The following CEP83 variants were observed in gnomAD, a reference collection of about 807,000 sequenced individuals.
CEP83 encodes the protein centrosomal protein 83, also known as centrosomal protein of 83 kDa.
Under a neutral mutation model 101.9 loss-of-function variants are expected in CEP83, and 70 were observed. The ratio of observed to expected loss-of-function variants is 0.69; its 90% confidence interval spans 0.57 to 0.84. CEP83 has a LOEUF of 0.84. CEP83 is among the 40% of genes least tolerant of loss of function. The pLI, the probability that CEP83 is intolerant of heterozygous loss-of-function variation, is 0.00. For missense variants in CEP83, 715 were observed against 787.2 expected, an observed-to-expected ratio of 0.91 and a Z score of 1.10; for synonymous variants, 264 against 267.9, an observed-to-expected ratio of 0.99 and a Z score of 0.14.
At position 94,431,748 on chromosome 12, in the gene CEP83, T is replaced by C. The variant is rs910257643; in HGVS notation, c.-102+3527A>G. Among the ~76,000 whole-genome samples, 52 of 152,084 alleles carry C rather than the reference T, an allele frequency of 3.4e-4. 2 individuals carry two copies. The highest frequency in any genetic ancestry group is 6.5e-5 in the Admixed American group (1 of 15,268). ...AAAACCACAGCAACATATCATCTTA[T>C]CCCAATTAGAATGGCTACTATAAAA... is the stretch of plus-strand genomic sequence containing the variant. On this transcript the variant is annotated intron_variant, in intron 2 of 16. Transcript: ENST00000397809.
At chr12:94,381,310 C>A (rs1347960822) in intron 6 of CEP83, among the ~76,000 whole-genome samples, 2 of 152,138 alleles carry the variant, frequency 1.3e-5, no homozygotes, top group African/African-American at 2.4e-5. Flanking sequence ...TCTAAATTTC[C>A]AAAGGGCTTT....
chr12:94,380,880 T>C (rs557728579), intron 6 of CEP83, among the ~76,000 whole-genome samples: 1 of 152,322 alleles, frequency 6.6e-6, no homozygotes, highest in African/African-American at 2.4e-5. Flanking sequence ...TTGGGAGGCA[T>C]CTGTGTGATA....
In CEP83 at chr12:94,420,177, T is replaced by C. The variant is rs150862052; in HGVS notation, c.-101-7586A>G. Among the ~76,000 whole-genome samples, 33 of 152,264 alleles carry C rather than the reference T, an allele frequency of 2.2e-4. 1 individual carries two copies. In the East Asian group the frequency reaches 6.4e-3, roughly 29 times the overall value. On this transcript the variant is annotated intron_variant, in intron 2 of 16. Transcript: ENST00000397809. ...TCTGGAGAGGAGAGGAAGCAAAGGT[T>C]GTAGTGTAAACTGGCATATTCACTT...
chr12:94,273,025 T>C, the CEP83 span, among the ~76,000 whole-genome samples: 1 of 152,026 alleles, frequency 6.6e-6, no homozygotes, highest in Non-Finnish European at 1.5e-5. Flanking sequence ...TAGTTATGAC[T>C]CCCACCGGCT....
chr12:94,343,619 A>G (rs978439948), intron 11 of CEP83, among the ~76,000 whole-genome samples: 39 of 149,824 alleles, frequency 2.6e-4, no homozygotes, highest in Non-Finnish European at 8.9e-5. Flanking sequence ...CCTCCCGAGT[A>G]GCTGGGACTA....
intron 2 of CEP83, among the ~76,000 whole-genome samples, chr12:94,434,328 T>A (rs1381825702): frequency 6.6e-6 from 1 of 152,176 alleles, no homozygotes. Context: ...CAAAAAAATG[T>A]AAAAATTGTA....
chr12:94,297,416 C>T, the CEP83 span: 16 of 1,609,822 alleles, frequency 9.9e-6, no homozygotes, highest in Admixed American at 3.3e-5. Context: ...AAGCTGCTGT[C>T]GACCAAGGTA....
At chr12:94,309,816 G>A in intron 16 of CEP83, 102 bp downstream of exon 16, 1 of 659,616 alleles carries the variant, frequency 1.5e-6, no homozygotes, top group Non-Finnish European at 2.4e-6. Flanking sequence ...TGAATTTTGA[G>A]CACTGACCAA....
chr12:94,399,574 G>T (rs2063127415), intron 6 of CEP83, among the ~76,000 whole-genome samples: 1 of 151,940 alleles, frequency 6.6e-6, no homozygotes. Context: ...TTGTTTATTT[G>T]TTTGTTTTAT....
intron 2 of CEP83, chr12:94,424,244 C>A: frequency 1.9e-6 from 3 of 1,614,012 alleles, no homozygotes; most frequent in Non-Finnish European, 2.5e-6. Flanking sequence ...GCCCATGTCT[C>A]CATTCCTTGG....
At chr12:94,328,000 T>C (rs1395915623) in intron 14 of CEP83, among the ~76,000 whole-genome samples, 2 of 152,218 alleles carry the variant, frequency 1.3e-5, no homozygotes, top group Non-Finnish European at 2.9e-5. Context: ...ATGGCTTCTA[T>C]TTCTCCCCAG....
chr12:94,320,106 C>T (rs759594295), intron 14 of CEP83, among the ~76,000 whole-genome samples: 9 of 151,958 alleles, frequency 5.9e-5, no homozygotes, highest in Non-Finnish European at 1.3e-4. Context: ...TATGTAAACC[C>T]GTGTCTTTTT....
intron 2 of CEP83, among the ~76,000 whole-genome samples, chr12:94,429,598 C>A (rs1157038811): frequency 6.6e-6 from 1 of 152,188 alleles, no homozygotes; most frequent in African/African-American, 2.4e-5. Flanking sequence ...GATGCTGGGG[C>A]CAAAGTGCAC....
chr12:94,368,471 G>A (rs1046583659), intron 9 of CEP83: 12 of 283,974 alleles, frequency 4.2e-5, no homozygotes, highest in Admixed American at 2.5e-4. Context: ...TTACTCATTC[G>A]AACATTGAGA....
At chr12:94,422,385 C>T (rs773566508) in intron 2 of CEP83, among the ~76,000 whole-genome samples, 4 of 152,104 alleles carry the variant, frequency 2.6e-5, no homozygotes, top group Non-Finnish European at 5.9e-5. Context: ...TGTTGATTTC[C>T]GCGACACTGA....
chr12:94,311,132 A>C (rs1158959683), intron 15 of CEP83, among the ~76,000 whole-genome samples: 1 of 152,194 alleles, frequency 6.6e-6, no homozygotes, highest in Non-Finnish European at 1.5e-5. Flanking sequence ...TATGTAATGA[A>C]GCCTCCATAA....
At chr12:94,363,302 C>T (rs939866990) in intron 11 of CEP83, among the ~76,000 whole-genome samples, 3 of 152,160 alleles carry the variant, frequency 2.0e-5, no homozygotes, top group Admixed American at 6.5e-5. Context: ...TAAACATGTA[C>T]AATTGTGTGT....
At chr12:94,347,050 A>AATATATATATAT (rs137940620) in intron 11 of CEP83, among the ~76,000 whole-genome samples, 7,099 of 131,744 alleles carry the variant, frequency 0.054, 209 homozygotes, top group Admixed American at 0.074. Context: ...AAAATAAACA[A>AATATATATATAT]ATATATATAT....
intron 1 of CEP83, among the ~76,000 whole-genome samples, chr12:94,448,666 C>T (rs1179372730): frequency 6.6e-6 from 1 of 151,966 alleles, no homozygotes; most frequent in Non-Finnish European, 1.5e-5. Flanking sequence ...TTAAAACATA[C>T]CTCTAAATAA....
Sources: allele counts gnomAD v4.1 joint callset (sites outside exome capture counted in the v4.1 genomes callset), GRCh38; gene constraint gnomAD v4.1.1; transcripts MANE v1.5; gene names NCBI Gene and HGNC (gene_info 2026-07-23, HGNC 2026-07-21).